The following GUCA2A variants were observed in gnomAD, a reference collection of about 807,000 sequenced individuals.
GUCA2A encodes the protein guanylin.
In GUCA2A, 17 loss-of-function variants were observed where a neutral mutation model predicts 11.2. The ratio of observed to expected loss-of-function variants is 1.52; its 90% CI spans 1.04 to 2.28. GUCA2A has a LOEUF of 2.28. Ranked by LOEUF, GUCA2A falls within the 30% of genes most tolerant of loss-of-function variation. The pLI is 0.00. For synonymous variants in GUCA2A, 64 were observed against 57.1 expected (o/e 1.12, Z -0.54); for missense variants, 173 against 139.3 (o/e 1.24, Z -1.22).
At position 42,162,954 on chromosome 1, in the gene GUCA2A, G is replaced by C. The variant is rs776697003; in HGVS notation, c.300C>G (p.Asp100Glu). Residue 100 changes from aspartate to glutamate, a missense_variant, in exon 3 of 3, where the codon GAC becomes GAG. Asp to Glu is a conservative substitution (Grantham distance 45, BLOSUM62 2). Transcript: ENST00000357001. ...ILQRLEEIAE[D>E]PGTCEICAYA... ...AGGCACAGATTTCACATGTGCCCGG[G>C]TCCTCAGCGATTTCCTCTGCACAAC... 6.2e-7 allele frequency: 1 copy of C among 1,613,778 alleles called. No homozygotes were observed. The highest frequency in any genetic ancestry group is 1.1e-5 in the South Asian group (1 of 91,074).
At position 42,164,619 on chromosome 1, in the gene GUCA2A, G is replaced by C; in HGVS notation, c.75+19C>G. ...GGGGCAGGGAGCCAGCTGGGCCGGG[G>C]TAGGGACACAGGACTCACCTGCACG... On this transcript the variant is annotated intron_variant, in intron 1 of 2. Transcript: ENST00000357001. 3 of 1,490,598 alleles carry C rather than the reference G, an allele frequency of 2.0e-6. No individual in the cohort carries two copies. Among genetic ancestry groups the C allele is most frequent in the Non-Finnish European group, 2.7e-6 (3 of 1,092,290 alleles). 92.3% of individuals were successfully genotyped at this position (1,490,598 alleles called of 1,614,324 possible). A position where few individuals can be genotyped will look rare whatever the true frequency, so the allele number is the denominator to read the frequency against.
chr1:42,163,836 G>A (rs1646140957), intron 1 of GUCA2A, among the ~76,000 whole-genome samples: 2 of 152,242 alleles, frequency 1.3e-5, no homozygotes, highest in African/African-American at 4.8e-5. Context: ...TCTGCATGTT[G>A]TATGGGGAAT....
intron 1 of GUCA2A, among the ~76,000 whole-genome samples, chr1:42,163,952 A>G (rs1373930022): frequency 1.3e-5 from 2 of 152,242 alleles, no homozygotes; most frequent in African/African-American, 4.8e-5. Flanking sequence ...CAGGCATCGT[A>G]GTTCCACGTG....
Position 42,163,408 on chromosome 1 carries a change from C to T in GUCA2A, c.278G>A (p.Arg93Lys), listed in dbSNP as rs1404560468. Residue 93 changes from arginine (R) to lysine (K), a missense_variant, in exon 2 of 3, where the codon AGG (arginine) becomes AAG (lysine). Arg to Lys is a conservative substitution (Grantham distance 26). Coordinates refer to ENST00000357001, the MANE Select transcript of GUCA2A (RefSeq NM_033553.3). ...AGAGGAAGGAGGCTGCTCACCCAGC[C>T]TCTGAAGTATCTCCTGGGCATTGGG... The part of the protein sequence containing the change: ...KEPNAQEILQ[R>K]LEEIAEDPGT... 8 of 1,608,024 alleles carry T rather than the reference C, an allele frequency of 5.0e-6. No individual in the cohort carries two copies. In the South Asian group the frequency reaches 6.6e-5, roughly 13 times the overall value.
chr1:42,164,362 G>A (rs1484821344), intron 1 of GUCA2A, among the ~76,000 whole-genome samples: 1 of 152,256 alleles, frequency 6.6e-6, no homozygotes, highest in African/African-American at 2.4e-5. Context: ...TGAGGGGCTG[G>A]GGAAGGAGCC....
At chr1:42,164,525 C>G (rs1265744881) in intron 1 of GUCA2A, 113 bp downstream of exon 1, 1 of 666,266 alleles carries the variant, frequency 1.5e-6, no homozygotes, top group Non-Finnish European at 2.7e-6. Context: ...AAGGCCAAGC[C>G]TGGGACACAC....
Position 42,162,779 on chromosome 1 carries a change from G to C in GUCA2A, c.*127C>G, listed in dbSNP as rs1267020094. On this transcript the variant is annotated 3_prime_UTR_variant, in exon 3 of 3. Transcript: ENST00000357001. ...GCCTCCAGTCACCCAGTTCCTCCCC[G>C]GGCTGCTCCTCCCGACTGGACCAGG... 1 of 748,750 alleles carries C rather than the reference G, an allele frequency of 1.3e-6. No individual in the cohort carries two copies. The highest frequency in any genetic ancestry group is 1.7e-5 in the African/African-American group (1 of 58,260). 46.4% of individuals were successfully genotyped at this position (748,750 alleles called of 1,614,324 possible). A position where few individuals can be genotyped will look rare whatever the true frequency, so the allele number is the denominator to read the frequency against.
rs766498106 is a variant in GUCA2A, at chr1:42,163,484, G to T, written c.202C>A (p.Leu68Ile). The T allele has an allele frequency of 1.5e-5, 25 of 1,613,510 alleles. No individual in the cohort carries two copies. In the Admixed American group the frequency reaches 4.2e-4, roughly 27 times the overall value. ...PIPGEPVVPI[L>I]CSNPNFPEEL... is the part of the protein sequence containing the mutation. Reference sequence around the variant, plus strand: ...TCTGGAAAGTTCGGGTTGCTACAGAGGATGGGAACCACAGGTTCACCAGGG... The same window carrying T: ...TCTGGAAAGTTCGGGTTGCTACAGATGATGGGAACCACAGGTTCACCAGGG... The change falls in exon 2 of 3, where the codon CTC (leucine) becomes ATC (isoleucine). Residue 68 changes from leucine to isoleucine, a missense_variant. Leu to Ile is a conservative substitution (Grantham distance 5). Coordinates refer to ENST00000357001, the MANE Select transcript of GUCA2A (RefSeq NM_033553.3).
rs751671024 is a variant in GUCA2A, at chr1:42,163,549, T to C, written c.137A>G (p.Gln46Arg). The C allele has an allele frequency of 1.7e-5, 27 of 1,613,218 alleles. No homozygotes were observed. The highest frequency in any genetic ancestry group is 2.3e-5 in the Non-Finnish European group (27 of 1,179,302). The change falls in exon 2 of 3, where the codon CAG becomes CGG. Residue 46 changes from glutamine to arginine, a missense_variant. Transcript: ENST00000357001. ...VKKLKDLQEP[Q>R]EPRVGKLRNF... ...CCTGAGTTTCCCAACCCTGGGCTCC[T>C]GGGGCTCCTGGAGGTCTTTGAGCTT...
Position 42,164,683 on chromosome 1 carries a change from G to A in GUCA2A, c.30C>T (p.Cys10=), listed in dbSNP as rs140314264. ...CCAAGGCGGCCCAGGCCCCAAGGAG[G>A]CACAGTGCGGAGAGCAGGAAGGCAT... MNAFLLSAL[C]LLGAWAALAG... The change falls in exon 1 of 3, where the codon TGC becomes TGT. Residue 10 remains cysteine, a synonymous_variant. Transcript: ENST00000357001. 1,526 of 1,551,520 alleles carry A rather than the reference G, an allele frequency of 9.8e-4. 4 individuals are homozygous for A. Among genetic ancestry groups the A allele is most frequent in the Non-Finnish European group, 7.4e-4 (850 of 1,146,634 alleles).
rs756214155 is a variant in GUCA2A, at chr1:42,163,480, C to CA, written c.205dup (p.Cys69LeufsTer2). On this transcript the variant is annotated frameshift_variant, in exon 2 of 3. Coordinates refer to ENST00000357001, the MANE Select transcript of GUCA2A (RefSeq NM_033553.3). LOFTEE classifies it high-confidence loss of function. ...TTCTTCTGGAAAGTTCGGGTTGCTA[C>CA]AGAGGATGGGAACCACAGGTTCACC... 2 of 1,613,840 alleles carry CA rather than the reference C, an allele frequency of 1.2e-6. No individual in the cohort carries two copies. The highest frequency in any genetic ancestry group is 4.5e-5 in the East Asian group (2 of 44,884).
intron 1 of GUCA2A, among the ~76,000 whole-genome samples, chr1:42,164,045 T>C (rs1312217648): frequency 6.6e-6 from 1 of 152,206 alleles, no homozygotes; most frequent in East Asian, 1.9e-4. Context: ...AGCCTGGTTT[T>C]GGTTTGAGAA....
At chr1:42,164,006 TG>T (rs1209860839) in intron 1 of GUCA2A, among the ~76,000 whole-genome samples, 1 of 152,194 alleles carries the variant, frequency 6.6e-6, no homozygotes. Context: ...GCGGTGCGGC[TG>T]ATTACTGGGC....
intron 1 of GUCA2A, among the ~76,000 whole-genome samples, chr1:42,164,236 C>T (rs1392693201): frequency 6.6e-6 from 1 of 152,238 alleles, no homozygotes. Context: ...CCAGCTCCTG[C>T]ACTTCCCACA....
chr1:42,164,105 G>T (rs891875722), intron 1 of GUCA2A, among the ~76,000 whole-genome samples: 1 of 152,254 alleles, frequency 6.6e-6, no homozygotes, highest in Non-Finnish European at 1.5e-5. Context: ...CAGGGCCCCC[G>T]CTAGGTGCCA....
chr1:42,164,193 G>T (rs1400875718), intron 1 of GUCA2A, among the ~76,000 whole-genome samples: 1 of 152,228 alleles, frequency 6.6e-6, no homozygotes. Context: ...GTGGTTCCTG[G>T]GACCCACTGA....
In GUCA2A at chr1:42,164,626, C is replaced by T; in HGVS notation, c.75+12G>A. ...GGAGCCAGCTGGGCCGGGGTAGGGA[C>T]ACAGGACTCACCTGCACGGTGACCC... On this transcript the variant is annotated intron_variant, in intron 1 of 2. Coordinates refer to ENST00000357001, the MANE Select transcript of GUCA2A (RefSeq NM_033553.3). The T allele has an allele frequency of 6.6e-7, 1 of 1,521,604 alleles. No homozygotes were observed. Among genetic ancestry groups the T allele is most frequent in the Non-Finnish European group, 8.9e-7 (1 of 1,120,620 alleles). The allele number at this position is 1,521,604 out of a possible 1,614,324, so 94.3% of individuals were successfully genotyped here. A position where few individuals can be genotyped will look rare whatever the true frequency, so the allele number is the denominator to read the frequency against.
intron 1 of GUCA2A, 51 bp downstream of exon 1, chr1:42,164,587 G>T: frequency 9.6e-7 from 1 of 1,041,812 alleles, no homozygotes; most frequent in Non-Finnish European, 1.5e-6. Flanking sequence ...ACCAGACCTG[G>T]GCACTAGGGG....
chr1:42,164,278 T>C (rs1646142982), intron 1 of GUCA2A, among the ~76,000 whole-genome samples: 1 of 152,210 alleles, frequency 6.6e-6, no homozygotes, highest in Non-Finnish European at 1.5e-5. Flanking sequence ...ACAGAACCTT[T>C]GTGAGGCTCA....
Sources: gnomAD v4.1 joint callset for allele counts (sites outside exome capture counted in the v4.1 genomes callset) on GRCh38, gnomAD v4.1.1 for gene constraint, MANE v1.5 for transcripts, NCBI Gene and HGNC (gene_info 2026-07-23, HGNC 2026-07-21) for gene names.